UNC93A: variants seen among roughly 807,000 people sequenced by gnomAD.
UNC93A encodes the protein unc-93 homolog A, also known as N-acetylglucosamine transporter UNC93A.
Under a neutral mutation model 47.5 loss-of-function variants are expected in UNC93A, and 43 were observed. The ratio of observed to expected loss-of-function variants is 0.91; its 90% CI spans 0.71 to 1.17. UNC93A has a LOEUF of 1.17. Among genes scored for constraint, UNC93A ranks in the 50% most tolerant of loss-of-function variants. The pLI is 0.00. For missense variants in UNC93A, 605 were observed against 577.6 expected, an observed-to-expected ratio of 1.05 and a Z score of -0.49; for synonymous variants, 280 against 258.0, an observed-to-expected ratio of 1.09 and a Z score of -0.82.
rs372785800 is a variant in UNC93A at position 167,315,349 on chromosome 6, C to T, written c.1271C>T (p.Ala424Val). 32 of 1,613,784 alleles carry T rather than the reference C, an allele frequency of 2.0e-5. No homozygotes were observed. Among genetic ancestry groups the T allele is most frequent in the Admixed American group, 5.0e-5 (3 of 59,990 alleles). Residue 424 changes from alanine to valine, a missense_variant, in exon 8 of 8, where the codon GCG becomes GTG. Physicochemically the swap from Ala to Val is moderately conservative, Grantham distance 64. Coordinates refer to ENST00000230256, the MANE Select transcript of UNC93A (RefSeq NM_018974.4). ...GGGGTCCTGAGCCTGACCATGGTGG[C>T]GTATGGGCTTGTGGAGTGCGTGGAG... The part of the protein sequence containing the change: ...LLGVLSLTMV[A>V]YGLVECVESK...
intron 2 of UNC93A, 21 bp downstream of exon 2, chr6:167,294,719 G>GGCC: frequency 1.3e-6 from 2 of 1,562,270 alleles, no homozygotes; most frequent in Non-Finnish European, 1.7e-6. Context: ...ACCACCCCCT[G>GGCC]CCCACCCCAC....
chr6:167,309,832 C>A (rs1778508849), intron 7 of UNC93A, among the ~76,000 whole-genome samples: 1 of 152,142 alleles, frequency 6.6e-6, no homozygotes, highest in African/African-American at 2.4e-5. Flanking sequence ...CTTTCTGCTG[C>A]CCCAGTAATG....
intron 1 of UNC93A, among the ~76,000 whole-genome samples, chr6:167,283,967 T>C (rs1183674813): frequency 6.6e-6 from 1 of 152,170 alleles, no homozygotes; most frequent in Non-Finnish European, 1.5e-5. Context: ...TTAAATCCCA[T>C]CTGGGAAGGT....
intron 1 of UNC93A, among the ~76,000 whole-genome samples, chr6:167,279,299 T>C (rs1228103682): frequency 1.3e-5 from 2 of 152,196 alleles, no homozygotes; most frequent in Non-Finnish European, 2.9e-5. Context: ...TCCTGTCTAG[T>C]AGTGATTTTT....
At chr6:167,289,924 T>G (rs926036474), upstream of UNC93A, among the ~76,000 whole-genome samples, 1 of 152,228 alleles carries the variant, frequency 6.6e-6, no homozygotes, top group Non-Finnish European at 1.5e-5. Context: ...TCTCTGAAAG[T>G]CAAAATATCA....
At position 167,278,636 on chromosome 6, in the gene UNC93A, T is replaced by C. The variant is rs61315255; in HGVS notation, c.-52+7178T>C. ...TGCCTTCCAGCGACAGGATGCTACT[T>C]AGACAAGTTCCCCTGAAACTCAGGG... On this transcript the variant is annotated intron_variant, in intron 1 of 3. Coordinates refer to the UNC93A transcript ENST00000503433. 1.7e-3 allele frequency among the ~76,000 whole-genome samples: 266 copies of C among 152,310 alleles called. 2 individuals carry two copies. The highest frequency in any genetic ancestry group is 5.5e-3 in the African/African-American group (229 of 41,560).
At chr6:167,277,649 C>T (rs1284838450) in intron 1 of UNC93A, among the ~76,000 whole-genome samples, 5 of 151,396 alleles carry the variant, frequency 3.3e-5, no homozygotes, top group Admixed American at 3.3e-4. Flanking sequence ...CTCTGTCTCC[C>T]TCTGTCTCTC....
intron 1 of UNC93A, among the ~76,000 whole-genome samples, chr6:167,282,372 G>A (rs1361467127): frequency 6.6e-6 from 1 of 152,116 alleles, no homozygotes; most frequent in Non-Finnish European, 1.5e-5. Flanking sequence ...AGTGTGCATA[G>A]GGGGCCCCAC....
intron 4 of UNC93A, 182 bp downstream of exon 4, chr6:167,298,252 C>A (rs925375419): frequency 1.1e-6 from 1 of 930,626 alleles, no homozygotes; most frequent in East Asian, 2.9e-5. Context: ...ATGCAGTACA[C>A]CCGTGCTGTC....
In UNC93A at chr6:167,304,632, G is replaced by A. The variant is rs1219075458; in HGVS notation, c.840+499G>A. On this transcript the variant is annotated intron_variant, in intron 5 of 7. Coordinates refer to ENST00000230256, the MANE Select transcript of UNC93A (RefSeq NM_018974.4). ...GTTGCCCAGGCTGGAGTGCAATGGC[G>A]CCATCTCAGCTCACCGCAACCTCTG... Among the ~76,000 whole-genome samples, 8 of 151,688 alleles carry A rather than the reference G, an allele frequency of 5.3e-5. No homozygotes were observed. In the East Asian group the frequency reaches 1.4e-3, roughly 26 times the overall value.
upstream of UNC93A, among the ~76,000 whole-genome samples, chr6:167,290,298 G>A (rs1398766737): frequency 6.6e-6 from 1 of 152,142 alleles, no homozygotes; most frequent in Non-Finnish European, 1.5e-5. Context: ...CATTTTCACT[G>A]AAATACATTA....
In UNC93A at chr6:167,307,902, A is replaced by G; in HGVS notation, c.1100A>G (p.Gln367Arg). 6.2e-7 allele frequency: 1 copy of G among 1,613,536 alleles called. No homozygotes were observed. Among genetic ancestry groups the G allele is most frequent in the Non-Finnish European group, 8.5e-7 (1 of 1,179,672 alleles). ...GTGGCAGATGCCGTCTGGCAGACAC[A>G]AAACAATGGTGAGTCCCCAGCCCAG... Reference protein sequence around the residue: ...WGVADAVWQTQNNALYGVLFE... With the variant: ...WGVADAVWQTRNNALYGVLFE... The change falls in exon 7 of 8, where the codon CAA (glutamine) becomes CGA (arginine). Residue 367 changes from glutamine to arginine, a missense_variant. Transcript: ENST00000230256.
chr6:167,303,835 G>A, intron 4 of UNC93A, 84 bp from the exon 5 acceptor site: 5 of 1,360,374 alleles, frequency 3.7e-6, no homozygotes, highest in Non-Finnish European at 5.2e-6. Context: ...CGCGAGAGGA[G>A]GATGAGTGAC....
intron 7 of UNC93A, among the ~76,000 whole-genome samples, chr6:167,313,479 C>CCAGA (rs1370881318): frequency 1.3e-5 from 2 of 151,938 alleles, no homozygotes; most frequent in African/African-American, 4.8e-5. Flanking sequence ...CTTGGACCAA[C>CCAGA]CAGAACTTGA....
chr6:167,293,557 A>T (rs1777952337), intron 1 of UNC93A, among the ~76,000 whole-genome samples: 2 of 152,064 alleles, frequency 1.3e-5, no homozygotes, highest in African/African-American at 2.4e-5. Context: ...CATGCTGAGG[A>T]GCCGAGCCCA....
Position 167,298,024 on chromosome 6 carries a change from G to A in UNC93A, c.579G>A (p.Gln193=). Residue 193 remains glutamine, a synonymous_variant, in exon 4 of 8, where the codon CAG becomes CAA. Coordinates refer to ENST00000230256, the MANE Select transcript of UNC93A (RefSeq NM_018974.4). ...LMATTTTNST[Q]RPSQQLVYTL... ...CCACCACAACCACCAACAGCACCCA[G>A]AGGCCCTCCCAGCAGCTGGTCTACA... 6.2e-7 allele frequency: 1 copy of A among 1,613,960 alleles called. No homozygotes were observed. Among genetic ancestry groups the A allele is most frequent in the Non-Finnish European group, 8.5e-7 (1 of 1,179,982 alleles).
Position 167,305,942 on chromosome 6 carries a change from C to T in UNC93A, c.868C>T (p.Gln290Ter), listed in dbSNP as rs1396613371. The change falls in exon 6 of 8, where the codon CAG (glutamine) becomes TAG (stop). Residue 290 changes from glutamine (Q) to a stop codon, truncating the protein, a stop_gained. Transcript: ENST00000230256. LOFTEE classifies it high-confidence loss of function. The part of the protein sequence containing the change: ...RSYVTCTLGI[Q>*]FVGYVMICFS... ...CTATGTCACCTGCACCCTGGGCATC[C>T]AGTTCGTCGGCTACGTGATGATCTG... 1 of 1,614,126 alleles carries T rather than the reference C, an allele frequency of 6.2e-7. No individual in the cohort carries two copies. Among genetic ancestry groups the T allele is most frequent in the Non-Finnish European group, 8.5e-7 (1 of 1,179,972 alleles).
At chr6:167,272,208 C>G (rs2115065719) in intron 1 of UNC93A, among the ~76,000 whole-genome samples, 1 of 152,354 alleles carries the variant, frequency 6.6e-6, no homozygotes, top group Non-Finnish European at 1.5e-5. Flanking sequence ...TTACCTTGAA[C>G]TCCCACCATC....
intron 1 of UNC93A, among the ~76,000 whole-genome samples, chr6:167,284,276 T>A (rs1002576190): frequency 2.0e-5 from 3 of 151,720 alleles, no homozygotes; most frequent in Admixed American, 6.5e-5. Flanking sequence ...TATGTGACAT[T>A]TTTCTTCATA....
Sources: allele counts gnomAD v4.1 joint callset (sites outside exome capture counted in the v4.1 genomes callset), GRCh38; gene constraint gnomAD v4.1.1; transcripts MANE v1.5; gene names NCBI Gene and HGNC (gene_info 2026-07-23, HGNC 2026-07-21).